The following FHIT variants were observed in gnomAD, a reference collection of about 807,000 sequenced individuals.
The protein encoded by FHIT is bis(5'-adenosyl)-triphosphatase.
A neutral mutation model predicts 17.9 loss-of-function variants in FHIT; 19 were observed. The ratio of observed to expected loss-of-function variants is 1.06; its 90% CI spans 0.74 to 1.56. FHIT has a LOEUF of 1.56. Among genes scored for constraint, FHIT ranks in the 40% most tolerant of loss-of-function variants. The probability of loss-of-function intolerance (pLI) is 0.00; values close to 1 mark genes in which losing one functional copy is unlikely to be tolerated. For missense variants in FHIT, 248 were observed against 189.2 expected (o/e 1.31, Z -1.82); for synonymous variants, 81 against 69.7 (o/e 1.16, Z -0.81).
At chr3:59,862,380 G>C (rs1191670946) in intron 8 of FHIT, among the ~76,000 whole-genome samples, 1 of 152,188 alleles carries the variant, frequency 6.6e-6, no homozygotes, top group Non-Finnish European at 1.5e-5. Context: ...GGGATTATGG[G>C]AGCTACAATT....
chr3:60,871,815 G>GTATT (rs771211120), intron 3 of FHIT, among the ~76,000 whole-genome samples: 200 of 151,752 alleles, frequency 1.3e-3, no homozygotes, highest in African/African-American at 4.1e-3. Context: ...TTTTTTGAAT[G>GTATT]TATTTATTTA....
chr3:60,284,175 A>G (rs1234457152), intron 5 of FHIT, among the ~76,000 whole-genome samples: 1 of 152,176 alleles, frequency 6.6e-6, no homozygotes, highest in African/African-American at 2.4e-5. Context: ...AACAAACTTA[A>G]CATAAACCTA....
At chr3:60,437,976 T>C (rs1198129121) in intron 5 of FHIT, among the ~76,000 whole-genome samples, 1 of 152,136 alleles carries the variant, frequency 6.6e-6, no homozygotes, top group Non-Finnish European at 1.5e-5. Flanking sequence ...TAAGATACAG[T>C]ATGATTGTAT....
chr3:60,750,619 T>A (rs1341234913), intron 4 of FHIT, among the ~76,000 whole-genome samples: 1 of 152,166 alleles, frequency 6.6e-6, no homozygotes, highest in Non-Finnish European at 1.5e-5. Flanking sequence ...TTAGCCATGA[T>A]CATGAGGTCT....
In FHIT at chr3:60,123,967, A is replaced by AATATAT. The variant is rs1176212050; in HGVS notation, c.104-109821_104-109816dup. 5.2e-3 allele frequency among the ~76,000 whole-genome samples: 143 copies of AATATAT among 27,736 alleles called. 2 individuals carry two copies. The highest frequency in any genetic ancestry group is 7.9e-3 in the East Asian group (5 of 630). 18.2% of individuals were successfully genotyped at this position (27,736 alleles called of 152,430 possible). The stretch of plus-strand genomic sequence containing the variant: ...CTTCCATTAACAGAAATGCACTAAA[A>AATATAT]ATATATATATATATATATATATATA... On this transcript the variant is annotated intron_variant, in intron 5 of 9. Transcript: ENST00000492590.
intron 5 of FHIT, among the ~76,000 whole-genome samples, chr3:60,357,147 T>C (rs995119152): frequency 1.3e-5 from 2 of 152,176 alleles, no homozygotes; most frequent in African/African-American, 4.8e-5. Flanking sequence ...ATTAAGAAAC[T>C]CCGGATTGTT....
At chr3:60,318,466 AAAAACAAAAC>A (rs1341130182) in intron 5 of FHIT, among the ~76,000 whole-genome samples, 1 of 152,198 alleles carries the variant, frequency 6.6e-6, no homozygotes, top group African/African-American at 2.4e-5. Flanking sequence ...CCAGTTGTTT[AAAAACAAAAC>A]AGAACAAAAC....
chr3:60,649,870 C>T (rs1394335501), intron 4 of FHIT, among the ~76,000 whole-genome samples: 3 of 152,132 alleles, frequency 2.0e-5, no homozygotes, highest in African/African-American at 7.2e-5. Context: ...GCAGCAGTTA[C>T]TGGGCAAAGC....
In FHIT at chr3:60,001,506, A is replaced by G. The variant is rs2107500775; in HGVS notation, c.279+9865T>C. ...GTAGGCAGGATACTCATTTCCTGGA[A>G]GGGAGGAACAGACTACTTTGGTAGT... On this transcript the variant is annotated intron_variant, in intron 7 of 9. Transcript: ENST00000492590. 1.3e-5 allele frequency among the ~76,000 whole-genome samples: 2 copies of G among 152,274 alleles called. 1 individual carries two copies. The highest frequency in any genetic ancestry group is 4.1e-4 in the South Asian group (2 of 4,826).
intron 5 of FHIT, among the ~76,000 whole-genome samples, chr3:60,235,089 C>G (rs1398300364): frequency 1.3e-5 from 2 of 152,034 alleles, no homozygotes; most frequent in Admixed American, 6.6e-5. Flanking sequence ...CATCCAAACT[C>G]AAACATCATT....
At chr3:61,045,363 T>C (rs2033731763) in intron 2 of FHIT, among the ~76,000 whole-genome samples, 1 of 152,146 alleles carries the variant, frequency 6.6e-6, no homozygotes, top group African/African-American at 2.4e-5. Flanking sequence ...AAACAGACTT[T>C]AAACCAACAA....
intron 1 of FHIT, among the ~76,000 whole-genome samples, chr3:61,206,518 T>A (rs1488563866): frequency 6.6e-6 from 1 of 152,224 alleles, no homozygotes; most frequent in African/African-American, 2.4e-5. Context: ...TAGTTCTCCT[T>A]GAAGAGGTCC....
chr3:60,432,459 T>C (rs1414124812), intron 5 of FHIT, among the ~76,000 whole-genome samples: 1 of 152,096 alleles, frequency 6.6e-6, no homozygotes, highest in Non-Finnish European at 1.5e-5. Context: ...AATATACTGA[T>C]AGTGATAAAA....
At chr3:60,805,187 G>A (rs1701339370) in intron 4 of FHIT, among the ~76,000 whole-genome samples, 1 of 152,140 alleles carries the variant, frequency 6.6e-6, no homozygotes, top group African/African-American at 2.4e-5. Flanking sequence ...TATTTAACTT[G>A]TCATCAACTG....
At chr3:59,842,976 T>C (rs561509336) in intron 8 of FHIT, among the ~76,000 whole-genome samples, 2 of 152,316 alleles carry the variant, frequency 1.3e-5, no homozygotes, top group East Asian at 1.9e-4. Flanking sequence ...CGATAAATAA[T>C]TGCCAAATAA....
rs150792610 is a variant in FHIT at position 60,355,386 on chromosome 3, T to G, written c.103+181474A>C. Among the ~76,000 whole-genome samples, 559 of 152,196 alleles carry G rather than the reference T, an allele frequency of 3.7e-3. 8 individuals are homozygous for G. The highest frequency in any genetic ancestry group is 0.013 in the African/African-American group (539 of 41,494). On this transcript the variant is annotated intron_variant, in intron 5 of 9. Transcript: ENST00000492590. ...AACTTAATGACTTCTTCTTATCTAA[T>G]CTGTCATCTGTTATTTAGTTGTCAT...
At chr3:61,111,806 C>A (rs2036167197) in intron 2 of FHIT, among the ~76,000 whole-genome samples, 2 of 152,126 alleles carry the variant, frequency 1.3e-5, no homozygotes, top group South Asian at 4.1e-4. Flanking sequence ...TACGTATGTG[C>A]ACGTATATAA....
At chr3:60,079,127 G>A (rs1703162601) in intron 5 of FHIT, among the ~76,000 whole-genome samples, 1 of 152,046 alleles carries the variant, frequency 6.6e-6, no homozygotes, top group South Asian at 2.1e-4. Flanking sequence ...CCAAGAGCTG[G>A]CCCCTGAAGC....
At chr3:60,904,903 C>T (rs904655760) in intron 3 of FHIT, among the ~76,000 whole-genome samples, 2 of 145,910 alleles carry the variant, frequency 1.4e-5, no homozygotes. Context: ...CACACCACTG[C>T]ACTCCAGCCT....
Sources: gnomAD v4.1 joint callset for allele counts (sites outside exome capture counted in the v4.1 genomes callset) on GRCh38, gnomAD v4.1.1 for gene constraint, MANE v1.5 for transcripts, NCBI Gene and HGNC (gene_info 2026-07-23, HGNC 2026-07-21) for gene names.